Variants in RAP1GAP2 observed in about 807,000 individuals in gnomAD.
RAP1GAP2 encodes the protein rap1 GTPase-activating protein 2.
RAP1GAP2 carries 27 observed loss-of-function variants against 95.0 expected under a neutral mutation model. That is an observed-to-expected ratio of 0.28 (90% CI 0.21 to 0.39). RAP1GAP2 has a LOEUF of 0.39. RAP1GAP2 is among the 10% of genes least tolerant of loss of function. The probability of loss-of-function intolerance (pLI) is 1.00; values close to 1 mark genes in which losing one functional copy is unlikely to be tolerated. For missense variants in RAP1GAP2, 771 were observed against 970.0 expected (o/e 0.79, Z 2.72); for synonymous variants, 373 against 380.9 (o/e 0.98, Z 0.24).
At chr17:2,895,362 A>C (rs113884479) in intron 2 of RAP1GAP2, among the ~76,000 whole-genome samples, 20,324 of 152,214 alleles carry the variant, frequency 0.13, 1,852 homozygotes, top group Non-Finnish European at 0.2. Context: ...TAAACGCCAC[A>C]GACCCTGGGG....
At chr17:2,929,433 G>A (rs1237968338) in intron 3 of RAP1GAP2, among the ~76,000 whole-genome samples, 9 of 152,126 alleles carry the variant, frequency 5.9e-5, no homozygotes, top group African/African-American at 1.9e-4. Context: ...AGGAAGGGGC[G>A]CTCCATCTGC....
intron 1 of RAP1GAP2, among the ~76,000 whole-genome samples, chr17:2,764,126 T>C (rs555813784): frequency 6.6e-6 from 1 of 152,250 alleles, no homozygotes; most frequent in East Asian, 1.9e-4. Flanking sequence ...AAAAAGGTAT[T>C]TACCTTTTAA....
At position 3,027,320 on chromosome 17, in the gene RAP1GAP2, C is replaced by T. The variant is rs569602713; in HGVS notation, c.2107+250C>T. 2.6e-5 allele frequency among the ~76,000 whole-genome samples: 4 copies of T among 152,338 alleles called. No individual in the cohort carries two copies. In the East Asian group the frequency reaches 5.8e-4, roughly 22 times the overall value. The stretch of plus-strand genomic sequence containing the variant: ...GAAGGCCTTGTGGGAGATCCCACAG[C>T]GGAGGAGTCGGGATTGGCAGTGGGA... On this transcript the variant is annotated intron_variant, in intron 22 of 24. Transcript: ENST00000254695. The surrounding 1 kb of genome is among the most constrained non-coding windows in gnomAD (Gnocchi z 5.2).
chr17:2,952,037 AAAAAT>A (rs4060866), intron 3 of RAP1GAP2, among the ~76,000 whole-genome samples: 1 of 149,818 alleles, frequency 6.7e-6, no homozygotes, highest in Non-Finnish European at 1.5e-5. Context: ...GTGTCTCAGA[AAAAAT>A]AAAATAAAAT....
chr17:2,983,910 T>C (rs1182352115), intron 10 of RAP1GAP2, among the ~76,000 whole-genome samples: 3 of 152,198 alleles, frequency 2.0e-5, no homozygotes, highest in Non-Finnish European at 4.4e-5. Flanking sequence ...TAGATGATGA[T>C]GGTGTTGATG....
In RAP1GAP2 at chr17:2,982,964, A is replaced by G. The variant is rs528527162; in HGVS notation, c.729+1716A>G. On this transcript the variant is annotated intron_variant, in intron 10 of 24. Coordinates refer to ENST00000254695, the MANE Select transcript of RAP1GAP2 (RefSeq NM_015085.5). The stretch of plus-strand genomic sequence containing the variant: ...TTAGAACGTTCTTTGGACGTTCTCC[A>G]TGGCCTGGTGCCTCTCCCTGGCAGG... Among the ~76,000 whole-genome samples, 5 of 152,320 alleles carry G rather than the reference A, an allele frequency of 3.3e-5. No individual in the cohort carries two copies. The East Asian group carries it at 7.7e-4, about 24-fold the overall frequency.
intron 8 of RAP1GAP2, among the ~76,000 whole-genome samples, chr17:2,968,544 A>G (rs2044713487): frequency 6.6e-6 from 1 of 152,206 alleles, no homozygotes; most frequent in Non-Finnish European, 1.5e-5. Flanking sequence ...ATGTACTTTG[A>G]TGAAAATTTA....
chr17:2,900,437 A>G (rs945273732), intron 2 of RAP1GAP2, among the ~76,000 whole-genome samples: 2 of 151,968 alleles, frequency 1.3e-5, no homozygotes, highest in African/African-American at 4.8e-5. Flanking sequence ...TTATTTTTTT[A>G]AATTAATTAA....
Position 2,905,329 on chromosome 17 carries a change from G to A in RAP1GAP2, c.126G>A (p.Arg42=). The A allele has an allele frequency of 6.2e-7, 1 of 1,613,842 alleles. No homozygotes were observed. The highest frequency in any genetic ancestry group is 8.5e-7 in the Non-Finnish European group (1 of 1,179,804). ...ANSSDATLPD[R]PLSPPLTAPP... is the part of the protein sequence containing the mutation. ...GCTCGGATGCGACCCTCCCAGACCGGCCGCTCTCCCCTCCTCTCACGGCAC... is the reference window on the plus strand; with the variant it reads ...GCTCGGATGCGACCCTCCCAGACCGACCGCTCTCCCCTCCTCTCACGGCAC... Residue 42 remains arginine, a synonymous_variant, in exon 3 of 25, where the codon CGG becomes CGA. Coordinates refer to ENST00000254695, the MANE Select transcript of RAP1GAP2 (RefSeq NM_015085.5).
At chr17:2,973,813 A>G (rs2044977149) in intron 8 of RAP1GAP2, among the ~76,000 whole-genome samples, 1 of 152,254 alleles carries the variant, frequency 6.6e-6, no homozygotes, top group Admixed American at 6.5e-5. Context: ...TCAGAATTGA[A>G]GAAACCACAC....
intron 2 of RAP1GAP2, among the ~76,000 whole-genome samples, chr17:2,892,012 C>T (rs536038989): frequency 2.1e-4 from 32 of 151,630 alleles, no homozygotes; most frequent in African/African-American, 6.5e-4. Flanking sequence ...TTAGTAGAGA[C>T]GGGGTTTCAC....
intron 3 of RAP1GAP2, among the ~76,000 whole-genome samples, chr17:2,927,928 G>C (rs184593675): frequency 7.9e-5 from 12 of 152,134 alleles, no homozygotes; most frequent in Non-Finnish European, 1.3e-4. Context: ...CTGATCCCAC[G>C]ACCATGAGAC....
chr17:2,835,351 C>G (rs1471138026), intron 2 of RAP1GAP2, among the ~76,000 whole-genome samples: 1 of 152,098 alleles, frequency 6.6e-6, no homozygotes, highest in Non-Finnish European at 1.5e-5. Flanking sequence ...TCCTGAGTAG[C>G]TGGGATTACA....
At chr17:2,931,446 CAGGACAGCGGGGCCGGGA>C (rs2043152163) in intron 3 of RAP1GAP2, among the ~76,000 whole-genome samples, 1 of 152,174 alleles carries the variant, frequency 6.6e-6, no homozygotes, top group South Asian at 2.1e-4. Context: ...TTCCCCCAGC[CAGGACAGCGGGGCCGGGA>C]AGGACAGCCC....
intron 1 of RAP1GAP2, among the ~76,000 whole-genome samples, chr17:2,789,114 G>A (rs538591741): frequency 6.6e-6 from 1 of 152,198 alleles, no homozygotes; most frequent in East Asian, 1.9e-4. Context: ...CTGGAGTGCA[G>A]TGGCCCAATC....
At chr17:2,786,948 T>A (rs1350081502) in intron 1 of RAP1GAP2, among the ~76,000 whole-genome samples, 1 of 8,258 alleles carries the variant, frequency 1.2e-4, no homozygotes, top group East Asian at 1.3e-3. Flanking sequence ...CTCCCAGCCT[T>A]TTTTTTTTTT....
In RAP1GAP2 at chr17:3,023,395, A is replaced by G. The variant is rs536468885; in HGVS notation, c.1752-2613A>G. Among the ~76,000 whole-genome samples the G allele has an allele frequency of 3.2e-4, 48 of 152,360 alleles. No homozygotes were observed. The East Asian group carries it at 5.6e-3, about 18-fold the overall frequency. On this transcript the variant is annotated intron_variant, in intron 19 of 24. Coordinates refer to ENST00000254695, the MANE Select transcript of RAP1GAP2 (RefSeq NM_015085.5). ...AAAACATATAAGCCTGTCCTCCAGA[A>G]GTTCACAGTCTTGTAAGGGAAAGGG...
intron 2 of RAP1GAP2, among the ~76,000 whole-genome samples, chr17:2,830,569 C>T (rs1181208014): frequency 6.6e-6 from 1 of 151,918 alleles, no homozygotes; most frequent in Non-Finnish European, 1.5e-5. Flanking sequence ...CAAAAATTAG[C>T]TGGGCGTGGT....
chr17:2,884,404 G>A (rs9891321), intron 2 of RAP1GAP2, among the ~76,000 whole-genome samples: 4,376 of 136,862 alleles, frequency 0.032, 229 homozygotes, highest in African/African-American at 0.11. Context: ...ACAGAATCTC[G>A]CTCTGTTGCC....
Sources: gnomAD v4.1 joint callset for allele counts (sites outside exome capture counted in the v4.1 genomes callset) on GRCh38, gnomAD v4.1.1 for gene constraint, Gnocchi (gnomAD v3.1) non-coding constraint, MANE v1.5 for transcripts, NCBI Gene and HGNC (gene_info 2026-07-23, HGNC 2026-07-21) for gene names.